Variants in STRN3 observed in about 807,000 individuals in gnomAD.
The protein encoded by STRN3 is striatin 3.
STRN3 carries 29 observed loss-of-function variants against 95.6 expected under a neutral mutation model. That is an observed-to-expected ratio of 0.30 (90% CI 0.23 to 0.41). The LOEUF (loss-of-function observed/expected upper bound fraction) is 0.41. STRN3 is among the 10% of genes least tolerant of loss of function. The pLI is 1.00. For synonymous variants in STRN3, 331 were observed against 357.6 expected (o/e 0.93, Z 0.84); for missense variants, 890 against 972.1 (o/e 0.92, Z 1.12).
chr14:30,934,287 G>A (rs915706781), intron 7 of STRN3, among the ~76,000 whole-genome samples: 4 of 152,164 alleles, frequency 2.6e-5, no homozygotes, highest in Non-Finnish European at 5.9e-5. Context: ...TTGCACCACT[G>A]CATTGCAGCC....
At chr14:30,968,628 A>C (rs2139187695) in intron 1 of STRN3, among the ~76,000 whole-genome samples, 1 of 151,420 alleles carries the variant, frequency 6.6e-6, no homozygotes, top group South Asian at 2.1e-4. Context: ...GCAGCGAGCC[A>C]AGAAGGCACC....
In STRN3 at chr14:30,895,459, T is replaced by G; in HGVS notation, c.2346A>C (p.Ala782=). 6.2e-7 allele frequency: 1 copy of G among 1,613,972 alleles called. No homozygotes were observed. The highest frequency in any genetic ancestry group is 1.1e-5 in the South Asian group (1 of 91,056). Residue 782 remains alanine (A), a synonymous_variant, in exon 18 of 18, where the codon GCA becomes GCC. Coordinates refer to ENST00000357479, the MANE Select transcript of STRN3 (RefSeq NM_001083893.2). ...IYDVAFHSSK[A]YIASAGADAL... ...CATCAGCTCCTGCACTAGCTATATA[T>G]GCTTTTGACGAGTGGAAAGCAACAT...
chr14:30,960,448 A>G (rs1040976061), intron 1 of STRN3, among the ~76,000 whole-genome samples: 2 of 152,238 alleles, frequency 1.3e-5, no homozygotes, highest in South Asian at 2.1e-4. Context: ...AACAGAACAG[A>G]AAGTCCAGAA....
At chr14:31,016,449 C>T (rs1448579006) in intron 1 of STRN3, among the ~76,000 whole-genome samples, 4 of 152,066 alleles carry the variant, frequency 2.6e-5, no homozygotes, top group Admixed American at 6.6e-5. Context: ...ACATATTATA[C>T]GATTCAAACT....
At position 30,967,053 on chromosome 14, in the gene STRN3, G is replaced by A. The variant is rs965259325; in HGVS notation, c.283-10811C>T. On this transcript the variant is annotated intron_variant, in intron 1 of 17. Coordinates refer to ENST00000357479, the MANE Select transcript of STRN3 (RefSeq NM_001083893.2). ...CCTGGTTTGAGGGGTTGAGGCTTCCGGGACACACAAGGTGAGACATCCCTG... is the reference window on the plus strand; with the variant it reads ...CCTGGTTTGAGGGGTTGAGGCTTCCAGGACACACAAGGTGAGACATCCCTG... Among the ~76,000 whole-genome samples the A allele has an allele frequency of 3.9e-5, 6 of 152,076 alleles. No homozygotes were observed. In the East Asian group the frequency reaches 7.8e-4, roughly 20 times the overall value.
intron 13 of STRN3, 74 bp downstream of exon 13, chr14:30,910,967 T>C (rs1046673280): frequency 6.6e-7 from 1 of 1,518,334 alleles, no homozygotes; most frequent in Non-Finnish European, 9.0e-7. Flanking sequence ...AATAACCTTG[T>C]AATCATATTT....
intron 1 of STRN3, among the ~76,000 whole-genome samples, chr14:30,988,756 CA>C (rs1478622059): frequency 6.6e-6 from 1 of 152,174 alleles, no homozygotes; most frequent in African/African-American, 2.4e-5. Flanking sequence ...GCTTATTTTT[CA>C]TCATTCCTCT....
chr14:30,925,791 TTTATAA>T (rs1897012838), intron 8 of STRN3, among the ~76,000 whole-genome samples: 1 of 152,170 alleles, frequency 6.6e-6, no homozygotes, highest in Non-Finnish European at 1.5e-5. Flanking sequence ...CCCATAAATA[TTTATAA>T]TTATGTGTCA....
intron 1 of STRN3, among the ~76,000 whole-genome samples, chr14:30,957,466 A>AG (rs1423265710): frequency 6.2e-3 from 16 of 2,568 alleles, no homozygotes; most frequent in African/African-American, 0.013. Flanking sequence ...AAAAAAAAAA[A>AG]AAAGAGAGAG....
intron 1 of STRN3, among the ~76,000 whole-genome samples, chr14:30,995,103 CAAAT>C (rs1217226967): frequency 6.6e-6 from 1 of 152,136 alleles, no homozygotes; most frequent in East Asian, 1.9e-4. Context: ...ATCCTGCCAG[CAAAT>C]AAATAATGAA....
intron 2 of STRN3, 70 bp from the exon 3 acceptor site, chr14:30,955,763 CAAT>C (rs1594491542): frequency 8.1e-7 from 1 of 1,242,084 alleles, no homozygotes; most frequent in East Asian, 2.5e-5. Context: ...TATATTACTC[CAAT>C]AACAAAACAT....
intron 1 of STRN3, chr14:31,018,345 T>C: frequency 3.3e-6 from 1 of 301,682 alleles, no homozygotes; most frequent in South Asian, 2.9e-5. Flanking sequence ...CCCCAGCATC[T>C]AGCAGTGTTG....
At chr14:30,944,564 TATATATACACACACAGACACACGCAC>T (rs1879263249) in intron 5 of STRN3, among the ~76,000 whole-genome samples, 1 of 72,690 alleles carries the variant, frequency 1.4e-5, no homozygotes, top group South Asian at 4.2e-4. Flanking sequence ...TATATATATA[TATATATACACACACAGACACACGCAC>T]ATACATATAT....
chr14:30,981,973 G>C (rs1212698291), intron 1 of STRN3, among the ~76,000 whole-genome samples: 1 of 151,602 alleles, frequency 6.6e-6, no homozygotes, highest in Admixed American at 6.6e-5. Flanking sequence ...GCGTGTGCCT[G>C]TAATCCCAGC....
intron 1 of STRN3, among the ~76,000 whole-genome samples, chr14:31,004,113 A>T (rs1468647249): frequency 6.6e-6 from 1 of 151,926 alleles, no homozygotes; most frequent in Non-Finnish European, 1.5e-5. Flanking sequence ...GTGAAACCCC[A>T]TCTCTACAAA....
At chr14:30,939,162 C>T (rs991576553) in intron 5 of STRN3, among the ~76,000 whole-genome samples, 7 of 152,154 alleles carry the variant, frequency 4.6e-5, no homozygotes, top group African/African-American at 1.7e-4. Flanking sequence ...GCTTAGGGAA[C>T]TTGAATCATT....
chr14:30,998,432 C>T (rs187224257), intron 1 of STRN3, among the ~76,000 whole-genome samples: 90 of 152,282 alleles, frequency 5.9e-4, no homozygotes, highest in African/African-American at 2.1e-3. Flanking sequence ...ACCTAGAAGG[C>T]CATACTCATG....
At chr14:30,904,515 C>A (rs999242056) in intron 15 of STRN3, among the ~76,000 whole-genome samples, 19 of 152,252 alleles carry the variant, frequency 1.2e-4, no homozygotes, top group Non-Finnish European at 2.4e-4. Context: ...AAAACCAAAA[C>A]CCAATCATTT....
At chr14:30,933,836 ATT>A (rs1195417332) in intron 7 of STRN3, among the ~76,000 whole-genome samples, 2 of 152,176 alleles carry the variant, frequency 1.3e-5, no homozygotes, top group Non-Finnish European at 2.9e-5. Context: ...TACTTGATTC[ATT>A]TTTTATATCA....
Sources: gnomAD v4.1 joint callset for allele counts (sites outside exome capture counted in the v4.1 genomes callset) on GRCh38, gnomAD v4.1.1 for gene constraint, MANE v1.5 for transcripts, NCBI Gene and HGNC (gene_info 2026-07-23, HGNC 2026-07-21) for gene names.